ATP2C1: variants seen among roughly 807,000 people sequenced by gnomAD.
ATP2C1 encodes ATPase secretory pathway Ca2+ transporting 1, also known as calcium-transporting ATPase type 2C member 1.
In ATP2C1, 31 loss-of-function variants were observed where a neutral mutation model predicts 120.5. The ratio of observed to expected loss-of-function variants is 0.26; its 90% CI spans 0.19 to 0.35. ATP2C1 has a LOEUF of 0.35. ATP2C1 is among the 10% of genes least tolerant of loss of function. The probability of loss-of-function intolerance (pLI) is 1.00; values close to 1 mark genes in which losing one functional copy is unlikely to be tolerated. For missense variants in ATP2C1, 731 were observed against 1,107.5 expected, an observed-to-expected ratio of 0.66 and a Z score of 4.83; for synonymous variants, 351 against 358.7, an observed-to-expected ratio of 0.98 and a Z score of 0.24.
At chr3:130,861,225 C>T (rs1055791757) in intron 1 of ATP2C1, among the ~76,000 whole-genome samples, 6 of 152,076 alleles carry the variant, frequency 3.9e-5, no homozygotes, top group African/African-American at 9.7e-5. Context: ...GCCGAGATCA[C>T]GCCACTGCAC....
At chr3:131,014,287 A>G (rs748027394) in intron 26 of ATP2C1, 1 of 1,614,092 alleles carries the variant, frequency 6.2e-7, no homozygotes. Context: ...AGATATTCAT[A>G]AAGTTGCTTA....
At chr3:130,888,381 G>A (rs2069050093) in intron 1 of ATP2C1, among the ~76,000 whole-genome samples, 1 of 152,106 alleles carries the variant, frequency 6.6e-6, no homozygotes, top group African/African-American at 2.4e-5. Context: ...GCCCATCCCA[G>A]CCCAGCACTA....
At chr3:130,995,435 A>G (rs2062567086) in intron 22 of ATP2C1, among the ~76,000 whole-genome samples, 2 of 152,000 alleles carry the variant, frequency 1.3e-5, no homozygotes, top group South Asian at 4.1e-4. Context: ...AAAAAAGATA[A>G]TCATTTTATG....
intron 1 of ATP2C1, among the ~76,000 whole-genome samples, chr3:130,872,773 C>T (rs751531414): frequency 4.6e-5 from 7 of 152,010 alleles, no homozygotes; most frequent in Non-Finnish European, 7.4e-5. Context: ...TTAGTAGAGA[C>T]GGAGTTTCAC....
intron 12 of ATP2C1, among the ~76,000 whole-genome samples, chr3:130,959,984 A>T (rs915441800): frequency 1.7e-4 from 26 of 152,272 alleles, no homozygotes; most frequent in African/African-American, 6.0e-4. Flanking sequence ...ATTACATAAG[A>T]TATGACACAC....
At chr3:130,943,873 G>A (rs1422555076) in intron 8 of ATP2C1, among the ~76,000 whole-genome samples, 1 of 152,186 alleles carries the variant, frequency 6.6e-6, no homozygotes, top group African/African-American at 2.4e-5. Flanking sequence ...GATAAAGTCA[G>A]TTTCTCTTCT....
chr3:130,865,565 A>G (rs780796307), intron 1 of ATP2C1, among the ~76,000 whole-genome samples: 58 of 152,174 alleles, frequency 3.8e-4, no homozygotes, highest in Non-Finnish European at 7.2e-4. Flanking sequence ...CAGAATTCCC[A>G]TGTGTTGTGG....
chr3:130,995,999 TATG>T (rs769901279), intron 22 of ATP2C1, 41 bp from the exon 23 acceptor site: 1 of 1,227,714 alleles, frequency 8.1e-7, no homozygotes. Context: ...TACATTTTTG[TATG>T]ATAATATTTT....
chr3:130,925,950 G>T (rs1013385462), intron 2 of ATP2C1, among the ~76,000 whole-genome samples: 3 of 152,102 alleles, frequency 2.0e-5, no homozygotes, highest in African/African-American at 7.2e-5. Flanking sequence ...GCAACCTGTG[G>T]TCTTAAAGGC....
In ATP2C1 at chr3:130,990,367, G is replaced by T. The variant is rs185058678; in HGVS notation, c.1840-2584G>T. ...GACTAGGGAGGGCCTCACTGAGAAG[G>T]TACTATTTGACAGAAGAGGGACCCA... is the stretch of plus-strand genomic sequence containing the variant. On this transcript the variant is annotated intron_variant, in intron 20 of 27. Coordinates refer to ENST00000510168, the MANE Select transcript of ATP2C1 (RefSeq NM_001378687.1). 2.7e-5 allele frequency among the ~76,000 whole-genome samples: 4 copies of T among 150,412 alleles called. No individual in the cohort carries two copies. The South Asian group carries it at 8.4e-4, about 32-fold the overall frequency.
At chr3:130,933,584 T>G (rs1408028112) in intron 4 of ATP2C1, among the ~76,000 whole-genome samples, 1 of 152,220 alleles carries the variant, frequency 6.6e-6, no homozygotes, top group Non-Finnish European at 1.5e-5. Flanking sequence ...TTGTGGTTGG[T>G]CAGCCCTGAA....
intron 1 of ATP2C1, chr3:130,856,116 C>G (rs1377991658): frequency 6.6e-6 from 1 of 152,144 alleles, no homozygotes; most frequent in Non-Finnish European, 1.5e-5. Context: ...ATTTTAATTA[C>G]AGAGTAGAAT....
intron 2 of ATP2C1, among the ~76,000 whole-genome samples, chr3:130,926,659 C>T (rs950221034): frequency 6.6e-6 from 1 of 152,210 alleles, no homozygotes; most frequent in African/African-American, 2.4e-5. Flanking sequence ...TCTACTAAGG[C>T]TAGGAATGTC....
intron 1 of ATP2C1, among the ~76,000 whole-genome samples, chr3:130,877,305 G>T (rs924458372): frequency 6.6e-6 from 1 of 152,048 alleles, no homozygotes; most frequent in Non-Finnish European, 1.5e-5. Context: ...TTTCAATTGG[G>T]GGGATTTAAA....
intron 2 of ATP2C1, among the ~76,000 whole-genome samples, chr3:130,903,858 A>G (rs1442260844): frequency 6.6e-6 from 1 of 152,058 alleles, no homozygotes. Flanking sequence ...AGATGGTATG[A>G]TACCCCTTTC....
chr3:130,859,437 C>T (rs1001353861), intron 1 of ATP2C1, among the ~76,000 whole-genome samples: 3 of 152,188 alleles, frequency 2.0e-5, no homozygotes, highest in Non-Finnish European at 4.4e-5. Context: ...GTTATCTAAC[C>T]CCTTCCAGTA....
intron 1 of ATP2C1, among the ~76,000 whole-genome samples, chr3:130,861,009 C>T (rs920961270): frequency 6.6e-6 from 1 of 152,188 alleles, no homozygotes; most frequent in Non-Finnish European, 1.5e-5. Context: ...GTGGCTCACG[C>T]CTGTATTCCC....
At position 130,887,436 on chromosome 3, in the gene ATP2C1, G is replaced by A. The variant is rs537332357; in HGVS notation, c.108+36508G>A. Reference sequence around the variant, plus strand: ...AGGGCAGTGAGTTCCCCACAGCCCCGGGTGGGTCCAGAGATGGTGTATGGG... The same window carrying A: ...AGGGCAGTGAGTTCCCCACAGCCCCAGGTGGGTCCAGAGATGGTGTATGGG... On this transcript the variant is annotated intron_variant, in intron 1 of 26. Coordinates refer to the ATP2C1 transcript ENST00000504381. Among the ~76,000 whole-genome samples, 12 of 152,204 alleles carry A rather than the reference G, an allele frequency of 7.9e-5. No individual in the cohort carries two copies. The South Asian group carries it at 2.1e-3, about 26-fold the overall frequency.
At position 130,980,592 on chromosome 3, in the gene ATP2C1, G is replaced by A. The variant is rs368679995; in HGVS notation, c.1752G>A (p.Leu584=). The A allele has an allele frequency of 1.2e-6, 2 of 1,612,698 alleles. No individual in the cohort carries two copies. The highest frequency in any genetic ancestry group is 1.3e-5 in the African/African-American group (1 of 74,838). The part of the protein sequence containing the change: ...QETAVAIASR[L]GLYSKTSQSV... ...TCTCATTTGCTTTAGCCAGTCGTCT[G>A]GGATTGTATTCCAAAACTTCCCAGT... Residue 584 remains leucine, a synonymous_variant, in exon 20 of 28, where the codon CTG becomes CTA. Transcript: ENST00000510168.
Sources: allele counts gnomAD v4.1 joint callset (sites outside exome capture counted in the v4.1 genomes callset), GRCh38; gene constraint gnomAD v4.1.1; transcripts MANE v1.5; gene names NCBI Gene and HGNC (gene_info 2026-07-23, HGNC 2026-07-21).